Variants in TSPAN5 observed in about 807,000 individuals in gnomAD.
TSPAN5 encodes tetraspanin 5, also known as tetraspanin-5.
A neutral mutation model predicts 37.1 loss-of-function variants in TSPAN5; 10 were observed. The ratio of observed to expected loss-of-function variants is 0.27; its 90% CI spans 0.17 to 0.46. TSPAN5 has a LOEUF of 0.46. TSPAN5 is among the 20% of genes least tolerant of loss of function. The pLI is 1.00. For missense variants in TSPAN5, 195 were observed against 326.6 expected (o/e 0.60, Z 3.11); for synonymous variants, 110 against 118.9 (o/e 0.93, Z 0.48).
rs369164544 is a variant in TSPAN5 at position 98,576,506 on chromosome 4, G to A, written c.82-68778C>T. Reference sequence around the variant, plus strand: ...CCCAGACAACATACTTTGGGAGGTCGAGATGGGAGGATTGCTTGAGGTCAG... The same window carrying A: ...CCCAGACAACATACTTTGGGAGGTCAAGATGGGAGGATTGCTTGAGGTCAG... On this transcript the variant is annotated intron_variant, in intron 1 of 7. Coordinates refer to ENST00000305798, the MANE Select transcript of TSPAN5 (RefSeq NM_005723.4). Among the ~76,000 whole-genome samples the A allele has an allele frequency of 1.8e-4, 28 of 152,242 alleles. No individual in the cohort carries two copies. In the East Asian group the frequency reaches 3.5e-3, roughly 19 times the overall value.
chr4:98,598,169 C>G (rs181340010), intron 1 of TSPAN5, among the ~76,000 whole-genome samples: 1 of 136,990 alleles, frequency 7.3e-6, no homozygotes, highest in Non-Finnish European at 1.5e-5. Context: ...GTCTGAAAAG[C>G]GCAATATTCG....
chr4:98,518,834 G>A (rs1222605733), intron 1 of TSPAN5, among the ~76,000 whole-genome samples: 1 of 152,228 alleles, frequency 6.6e-6, no homozygotes, highest in Non-Finnish European at 1.5e-5. Flanking sequence ...AGCCCTGCAG[G>A]TAATTGTGAC....
intron 1 of TSPAN5, among the ~76,000 whole-genome samples, chr4:98,639,063 G>A (rs764153954): frequency 1.4e-4 from 21 of 152,288 alleles, no homozygotes; most frequent in Non-Finnish European, 2.2e-4. Flanking sequence ...AATGGCCCAG[G>A]TAAAGAACGT....
At chr4:98,516,132 T>C (rs995223179) in intron 1 of TSPAN5, among the ~76,000 whole-genome samples, 2 of 152,322 alleles carry the variant, frequency 1.3e-5, no homozygotes, top group East Asian at 3.9e-4. Context: ...AGCTCCTCCA[T>C]CTACATCCCC....
chr4:98,610,266 T>C (rs1260438291), intron 1 of TSPAN5, among the ~76,000 whole-genome samples: 1 of 152,126 alleles, frequency 6.6e-6, no homozygotes, highest in East Asian at 1.9e-4. Flanking sequence ...CTCAAGCCCT[T>C]TTATAATCAG....
At chr4:98,541,572 G>A in intron 1 of TSPAN5, among the ~76,000 whole-genome samples, 1 of 151,886 alleles carries the variant, frequency 6.6e-6, no homozygotes, top group South Asian at 2.1e-4. Flanking sequence ...CTACTCAGGA[G>A]GCTGAGGCAT....
At chr4:98,622,969 T>A (rs1756516754) in intron 1 of TSPAN5, among the ~76,000 whole-genome samples, 1 of 152,188 alleles carries the variant, frequency 6.6e-6, no homozygotes, top group Admixed American at 6.5e-5. Flanking sequence ...CATCATTTTG[T>A]AATAAGAAAC....
At chr4:98,655,499 T>C (rs1757277875) in intron 1 of TSPAN5, among the ~76,000 whole-genome samples, 1 of 152,216 alleles carries the variant, frequency 6.6e-6, no homozygotes, top group African/African-American at 2.4e-5. Flanking sequence ...AAGCTCTCAG[T>C]GCTGGTGCCA....
chr4:98,505,136 A>G (rs1753447357), intron 2 of TSPAN5, among the ~76,000 whole-genome samples: 1 of 152,104 alleles, frequency 6.6e-6, no homozygotes, highest in Admixed American at 6.5e-5. Context: ...GGGCCTCAGC[A>G]TATGAATTTG....
rs921602534 is a variant in TSPAN5 at position 98,648,474 on chromosome 4, T to C, written c.81+9672A>G. Among the ~76,000 whole-genome samples the C allele has an allele frequency of 3.3e-5, 5 of 152,178 alleles. No individual in the cohort carries two copies. In the East Asian group the frequency reaches 7.7e-4, roughly 23 times the overall value. On this transcript the variant is annotated intron_variant, in intron 1 of 7. Transcript: ENST00000305798. ...GCAAAGGAACCAGAAGTCTAGCTCT[T>C]CACTGTGCCTATCGAATAAATGGCT...
At chr4:98,581,344 TATTAATA>T (rs1476962376) in intron 1 of TSPAN5, among the ~76,000 whole-genome samples, 1 of 152,316 alleles carries the variant, frequency 6.6e-6, no homozygotes, top group Admixed American at 6.5e-5. Context: ...CCCTCACTTC[TATTAATA>T]ATATGTTTTA....
chr4:98,638,969 T>A (rs1290862164), intron 1 of TSPAN5, among the ~76,000 whole-genome samples: 2 of 152,162 alleles, frequency 1.3e-5, no homozygotes, highest in Non-Finnish European at 2.9e-5. Context: ...TAGTAAGCAG[T>A]AAGTGAGAGT....
At chr4:98,482,561 T>G (rs1248861425) in intron 3 of TSPAN5, 1 of 163,832 alleles carries the variant, frequency 6.1e-6, no homozygotes. Context: ...ACTTGAAAGA[T>G]AGATTATTCC....
At chr4:98,608,496 C>G (rs1302345939) in intron 1 of TSPAN5, among the ~76,000 whole-genome samples, 1 of 152,134 alleles carries the variant, frequency 6.6e-6, no homozygotes. Context: ...ACCCCCTTAT[C>G]TCTCCGCAAT....
intron 1 of TSPAN5, among the ~76,000 whole-genome samples, chr4:98,569,174 C>T (rs771205939): frequency 5.3e-5 from 8 of 152,162 alleles, no homozygotes; most frequent in East Asian, 1.9e-4. Flanking sequence ...TGGCTTCCCA[C>T]GAAGGCCTGA....
chr4:98,594,377 G>A (rs368250354), intron 1 of TSPAN5, among the ~76,000 whole-genome samples: 1 of 60,638 alleles, frequency 1.6e-5, no homozygotes, highest in Non-Finnish European at 2.7e-5. Context: ...CAATCATGTC[G>A]TCTGCAAACA....
rs75272034 is a variant in TSPAN5 at position 98,569,007 on chromosome 4, G to T, written c.82-61279C>A. ...GCAAAGTCAGCCTCACTGTGGAGAA[G>T]GATGCAGGCAGCTGAAGCCAACTCA... On this transcript the variant is annotated intron_variant, in intron 1 of 7. Transcript: ENST00000305798. Among the ~76,000 whole-genome samples the T allele has an allele frequency of 7.4e-3, 1,121 of 152,344 alleles. 15 individuals are homozygous for T. Among genetic ancestry groups the T allele is most frequent in the African/African-American group, 0.025 (1,049 of 41,580 alleles).
At chr4:98,602,854 C>T (rs939009026) in intron 1 of TSPAN5, among the ~76,000 whole-genome samples, 3 of 152,142 alleles carry the variant, frequency 2.0e-5, no homozygotes, top group African/African-American at 4.8e-5. Context: ...TCCAAACAGG[C>T]TCCTAACACA....
chr4:98,556,270 G>C (rs1365988463), intron 1 of TSPAN5, among the ~76,000 whole-genome samples: 1 of 152,160 alleles, frequency 6.6e-6, no homozygotes, highest in Non-Finnish European at 1.5e-5. Flanking sequence ...ATGCTTTCCT[G>C]TCTCAGGAAG....
Sources: allele counts gnomAD v4.1 joint callset (sites outside exome capture counted in the v4.1 genomes callset), GRCh38; gene constraint gnomAD v4.1.1; transcripts MANE v1.5; gene names NCBI Gene and HGNC (gene_info 2026-07-23, HGNC 2026-07-21).